ADCY2: variants seen among roughly 807,000 people sequenced by gnomAD.
ADCY2 encodes the protein adenylate cyclase 2.
In ADCY2, 31 loss-of-function variants were observed where a neutral mutation model predicts 125.2. The ratio of observed to expected loss-of-function variants is 0.25; its 90% CI spans 0.19 to 0.33. The LOEUF (loss-of-function observed/expected upper bound fraction) is 0.33, where lower values mean the gene tolerates loss of function less well. Among genes scored for constraint, ADCY2 ranks in the 10% least tolerant of loss-of-function variants. The probability of loss-of-function intolerance (pLI) is 1.00; values close to 1 mark genes in which losing one functional copy is unlikely to be tolerated. For missense variants in ADCY2, 904 were observed against 1,418.2 expected, an observed-to-expected ratio of 0.64 and a Z score of 5.82; for synonymous variants, 512 against 548.4, an observed-to-expected ratio of 0.93 and a Z score of 0.93.
chr5:7,514,193 C>G (rs1475489140), intron 2 of ADCY2, among the ~76,000 whole-genome samples: 1 of 152,114 alleles, frequency 6.6e-6, no homozygotes, highest in Non-Finnish European at 1.5e-5. Context: ...AAATACTGAG[C>G]CACACTGTGA....
intron 2 of ADCY2, 50 bp downstream of exon 2, chr5:7,414,820 C>A: frequency 6.6e-7 from 1 of 1,509,998 alleles, no homozygotes; most frequent in Non-Finnish European, 9.0e-7. Context: ...TGATTTGTGA[C>A]ATACTTAGTT....
chr5:7,408,141 A>T (rs1246089811), intron 1 of ADCY2, among the ~76,000 whole-genome samples: 1 of 151,686 alleles, frequency 6.6e-6, no homozygotes, highest in African/African-American at 2.4e-5. Context: ...AATGGGTGGG[A>T]TTATAGGCAT....
At chr5:7,588,215 GA>G (rs1316611564) in intron 3 of ADCY2, among the ~76,000 whole-genome samples, 4 of 151,964 alleles carry the variant, frequency 2.6e-5, no homozygotes, top group African/African-American at 9.7e-5. Flanking sequence ...GAATGTTTTG[GA>G]AAAAATTAAT....
chr5:7,754,854 C>T (rs1163376249), intron 15 of ADCY2, among the ~76,000 whole-genome samples: 3 of 151,004 alleles, frequency 2.0e-5, no homozygotes, highest in South Asian at 2.1e-4. Flanking sequence ...AGCAAGACTC[C>T]GTCTCAGGAA....
chr5:7,673,269 A>AATATATATATATATATATATATATATAT, intron 4 of ADCY2, among the ~76,000 whole-genome samples: 16 of 3,922 alleles, frequency 4.1e-3, no homozygotes, highest in Admixed American at 6.1e-3. Context: ...AAAAAAAAAA[A>AATATATATATATATATATATATATATAT]ATATATATAT....
chr5:7,459,068 G>C (rs1741814853), intron 2 of ADCY2, among the ~76,000 whole-genome samples: 1 of 152,198 alleles, frequency 6.6e-6, no homozygotes, highest in Non-Finnish European at 1.5e-5. Context: ...GTGATTGTCA[G>C]CTGCCCCTCA....
At chr5:7,718,050 G>A (rs1338782113) in intron 12 of ADCY2, among the ~76,000 whole-genome samples, 1 of 151,822 alleles carries the variant, frequency 6.6e-6, no homozygotes, top group Non-Finnish European at 1.5e-5. Context: ...CTCTTGAAAA[G>A]TGTAAATGAT....
chr5:7,619,929 A>G (rs1361349750), intron 3 of ADCY2, among the ~76,000 whole-genome samples: 1 of 152,214 alleles, frequency 6.6e-6, no homozygotes, highest in Non-Finnish European at 1.5e-5. Flanking sequence ...TGCATGGTTA[A>G]TTCAGCTTTC....
chr5:7,569,710 C>CTT (rs1440709144), intron 3 of ADCY2, among the ~76,000 whole-genome samples: 1 of 152,108 alleles, frequency 6.6e-6, no homozygotes, highest in Non-Finnish European at 1.5e-5. Flanking sequence ...CAGTATGACT[C>CTT]TGACTTCCTG....
At chr5:7,747,634 G>A (rs753572626) in intron 15 of ADCY2, among the ~76,000 whole-genome samples, 9 of 152,132 alleles carry the variant, frequency 5.9e-5, no homozygotes, top group African/African-American at 9.7e-5. Context: ...CCTTGACTCT[G>A]ACGTGCCTCC....
intron 3 of ADCY2, among the ~76,000 whole-genome samples, chr5:7,560,914 C>T (rs2126587820): frequency 6.6e-6 from 1 of 152,312 alleles, no homozygotes; most frequent in South Asian, 2.1e-4. Flanking sequence ...TCTCGAACTC[C>T]TGACCTCAAG....
chr5:7,454,212 G>T (rs1420127239), intron 2 of ADCY2, among the ~76,000 whole-genome samples: 1 of 152,152 alleles, frequency 6.6e-6, no homozygotes, highest in Admixed American at 6.5e-5. Flanking sequence ...TCAGCAAAAA[G>T]TTTATGACTT....
chr5:7,520,369 G>C (rs117841089), intron 2 of ADCY2, among the ~76,000 whole-genome samples: 3,194 of 152,220 alleles, frequency 0.021, 246 homozygotes, highest in Admixed American at 0.15. Flanking sequence ...GATGATGCCT[G>C]TCCCTCCTCT....
intron 23 of ADCY2, among the ~76,000 whole-genome samples, chr5:7,817,878 A>T (rs892889364): frequency 1.3e-5 from 2 of 150,200 alleles, no homozygotes; most frequent in Non-Finnish European, 3.0e-5. Context: ...GTTGAAAACA[A>T]AGGCTTCCTG....
chr5:7,658,431 G>GTGTGTGTATA (rs59664339), intron 4 of ADCY2, among the ~76,000 whole-genome samples: 59 of 143,010 alleles, frequency 4.1e-4, no homozygotes, highest in Admixed American at 2.1e-3. Context: ...GTGTGTGTGT[G>GTGTGTGTATA]TATATATATA....
chr5:7,538,541 A>G (rs933984825), intron 3 of ADCY2, among the ~76,000 whole-genome samples: 3 of 152,154 alleles, frequency 2.0e-5, no homozygotes, highest in African/African-American at 4.8e-5. Context: ...CTTTAAGGTT[A>G]GGAAAGAACT....
chr5:7,428,197 A>G (rs1294394050), intron 2 of ADCY2, among the ~76,000 whole-genome samples: 4 of 152,200 alleles, frequency 2.6e-5, no homozygotes, highest in South Asian at 2.1e-4. Flanking sequence ...TACATTTTCT[A>G]TATCATGACT....
chr5:7,662,570 A>C (rs1351536552), intron 4 of ADCY2, among the ~76,000 whole-genome samples: 1 of 152,214 alleles, frequency 6.6e-6, no homozygotes, highest in Non-Finnish European at 1.5e-5. Context: ...TTTAATTTAT[A>C]GTGCTGGGAC....
chr5:7,713,168 G>T (rs1467867487), intron 11 of ADCY2, among the ~76,000 whole-genome samples: 3 of 151,790 alleles, frequency 2.0e-5, no homozygotes, highest in African/African-American at 7.3e-5. Flanking sequence ...ATATTAATGT[G>T]TGGTAAAAAA....
Sources: gnomAD v4.1 joint callset for allele counts (sites outside exome capture counted in the v4.1 genomes callset) on GRCh38, gnomAD v4.1.1 for gene constraint, MANE v1.5 for transcripts, NCBI Gene and HGNC (gene_info 2026-07-23, HGNC 2026-07-21) for gene names.